DPYD: variants seen among roughly 807,000 people sequenced by gnomAD.
DPYD encodes dihydropyrimidine dehydrogenase.
Under a neutral mutation model 116.2 loss-of-function variants are expected in DPYD, and 109 were observed. The ratio of observed to expected loss-of-function variants is 0.94; its 90% confidence interval spans 0.80 to 1.10. The LOEUF is 1.10. Ranked by LOEUF, DPYD falls within the 50% of genes least tolerant of loss-of-function variation. DPYD has a pLI of 0.00. For missense variants in DPYD, 1,302 were observed against 1,254.5 expected, an observed-to-expected ratio of 1.04 and a Z score of -0.57; for synonymous variants, 440 against 432.0, an observed-to-expected ratio of 1.02 and a Z score of -0.23.
intron 11 of DPYD, among the ~76,000 whole-genome samples, chr1:97,556,322 T>A (rs1352752099): frequency 7.0e-6 from 1 of 142,400 alleles, no homozygotes; most frequent in Non-Finnish European, 1.5e-5. Flanking sequence ...TTTTTTCTAT[T>A]CCCTTTTTTT....
intron 13 of DPYD, among the ~76,000 whole-genome samples, chr1:97,469,416 A>G (rs1677513763): frequency 6.7e-6 from 1 of 148,908 alleles, no homozygotes; most frequent in African/African-American, 2.5e-5. Flanking sequence ...AAAAAAAAAA[A>G]AAAAAAAAAA....
chr1:97,751,456 GTGTGTATATATATATATATATATA>G (rs1283519697), intron 3 of DPYD, among the ~76,000 whole-genome samples: 3 of 24,414 alleles, frequency 1.2e-4, no homozygotes, highest in Admixed American at 6.4e-4. Context: ...GTGTGTGTGT[GTGTGTATATATATATATATATATA>G]TATATATATA....
rs147716682 is a variant in DPYD at position 97,807,601 on chromosome 1, C to A, written c.233+20513G>T. On this transcript the variant is annotated intron_variant, in intron 3 of 22. Coordinates refer to ENST00000370192, the MANE Select transcript of DPYD (RefSeq NM_000110.4). Reference sequence around the variant, plus strand: ...CAGTCTGTAGCTTATCTTTTCATTTCCTTGACAGTGTCTTTTGCAGAGCAG... The same window carrying A: ...CAGTCTGTAGCTTATCTTTTCATTTACTTGACAGTGTCTTTTGCAGAGCAG... Among the ~76,000 whole-genome samples, 45 of 151,994 alleles carry A rather than the reference C, an allele frequency of 3.0e-4. 1 individual carries two copies. The East Asian group carries it at 8.7e-3, about 29-fold the overall frequency.
At chr1:97,466,031 G>T (rs1453962141) in intron 13 of DPYD, among the ~76,000 whole-genome samples, 1 of 152,142 alleles carries the variant, frequency 6.6e-6, no homozygotes, top group East Asian at 1.9e-4. Flanking sequence ...AGCCTGGGAG[G>T]AAGAGGCCGC....
chr1:97,447,779 C>T (rs549256151), intron 14 of DPYD, among the ~76,000 whole-genome samples: 123 of 151,474 alleles, frequency 8.1e-4, no homozygotes, highest in African/African-American at 2.9e-3. Context: ...TTACTCCTAC[C>T]CAAAAAAGAG....
At chr1:97,873,161 C>T (rs1671742785) in intron 2 of DPYD, among the ~76,000 whole-genome samples, 1 of 151,800 alleles carries the variant, frequency 6.6e-6, no homozygotes, top group African/African-American at 2.4e-5. Flanking sequence ...GGGCAAAAAC[C>T]GTTTTGTCCC....
At chr1:97,147,464 A>C (rs188611689) in intron 20 of DPYD, among the ~76,000 whole-genome samples, 20 of 152,332 alleles carry the variant, frequency 1.3e-4, no homozygotes, top group Non-Finnish European at 1.6e-4. Context: ...TTGTTGGTCA[A>C]GAAGTATCAC....
At chr1:97,739,459 T>C (rs917908675) in intron 4 of DPYD, among the ~76,000 whole-genome samples, 1 of 152,138 alleles carries the variant, frequency 6.6e-6, no homozygotes, top group Non-Finnish European at 1.5e-5. Flanking sequence ...AATCTGACCA[T>C]GCAGGAATAA....
rs745911874 is a variant in DPYD, at chr1:97,549,646, C to T, written c.1438G>A (p.Gly480Ser). Residue 480 changes from glycine to serine, a missense_variant, in exon 12 of 23, where the codon GGT becomes AGT. By Grantham distance (56) the Gly-to-Ser change is moderately conservative. Coordinates refer to ENST00000370192, the MANE Select transcript of DPYD (RefSeq NM_000110.4). Reference sequence around the variant, plus strand: ...GTGTTAGCCAAACCAACGACATCACCACCTGCAAATACCCATGCTTCACTA... The same window carrying T: ...GTGTTAGCCAAACCAACGACATCACTACCTGCAAATACCCATGCTTCACTA... Reference protein sequence around the residue: ...QTSEAWVFAGGDVVGLANTTV... With the variant: ...QTSEAWVFAGSDVVGLANTTV... The T allele has an allele frequency of 1.7e-5, 27 of 1,613,714 alleles. No homozygotes were observed. Among genetic ancestry groups the T allele is most frequent in the Middle Eastern group, 1.6e-4 (1 of 6,076 alleles).
chr1:97,815,697 C>T (rs558084911), intron 3 of DPYD, among the ~76,000 whole-genome samples: 188 of 152,278 alleles, frequency 1.2e-3, no homozygotes, highest in African/African-American at 4.3e-3. Context: ...GGGTGAGGAG[C>T]AAAATGGAGT....
At chr1:97,752,484 T>G (rs926549675) in intron 3 of DPYD, among the ~76,000 whole-genome samples, 1 of 152,222 alleles carries the variant, frequency 6.6e-6, no homozygotes, top group African/African-American at 2.4e-5. Context: ...TTAAAATCCC[T>G]GTCTGATCAC....
At chr1:97,365,021 T>C (rs969944576) in intron 16 of DPYD, among the ~76,000 whole-genome samples, 1 of 152,148 alleles carries the variant, frequency 6.6e-6, no homozygotes, top group Non-Finnish European at 1.5e-5. Flanking sequence ...TTTAAGGTCT[T>C]TGTGAAGGTG....
rs530137282 is a variant in DPYD, at chr1:97,218,165, G to A, written c.2442+16687C>T. On this transcript the variant is annotated intron_variant, in intron 19 of 22. Transcript: ENST00000370192. ...AGAATCTTCAAGCTTAGGATGAACT[G>A]AGATTTTTGAAAAATGTTAAAACTA... Among the ~76,000 whole-genome samples the A allele has an allele frequency of 4.6e-5, 7 of 152,172 alleles. No individual in the cohort carries two copies. The East Asian group carries it at 1.2e-3, about 25-fold the overall frequency.
intron 3 of DPYD, among the ~76,000 whole-genome samples, chr1:97,756,551 T>A: frequency 6.6e-6 from 1 of 152,282 alleles, no homozygotes; most frequent in Middle Eastern, 3.4e-3. Flanking sequence ...AAAATAATAT[T>A]ACAGAAATTT....
At chr1:97,744,348 G>A (rs1181989198) in intron 3 of DPYD, among the ~76,000 whole-genome samples, 1 of 151,856 alleles carries the variant, frequency 6.6e-6, no homozygotes, top group African/African-American at 2.4e-5. Context: ...TTCTTTTATT[G>A]GTAACCATCC....
chr1:97,549,363 T>G (rs529056181), intron 12 of DPYD, among the ~76,000 whole-genome samples, 197 bp downstream of exon 12: 20 of 152,298 alleles, frequency 1.3e-4, no homozygotes, highest in African/African-American at 4.8e-4. Flanking sequence ...CATGCCCGCC[T>G]GGCCCAATTT....
chr1:97,556,124 T>TCATG (rs1470677093), intron 11 of DPYD, among the ~76,000 whole-genome samples: 1 of 152,072 alleles, frequency 6.6e-6, no homozygotes, highest in Non-Finnish European at 1.5e-5. Flanking sequence ...ACTCTCAGGG[T>TCATG]CATGCAAAGG....
Position 97,476,291 on chromosome 1 carries a change from A to T in DPYD, c.1741-26068T>A, listed in dbSNP as rs1474447271. ...GACTATCAATCAAAATCCAAAAATAACTGCTGCTGGGAAGAGTAAAATATA... is the reference window on the plus strand; with the variant it reads ...GACTATCAATCAAAATCCAAAAATATCTGCTGCTGGGAAGAGTAAAATATA... On this transcript the variant is annotated intron_variant, in intron 13 of 22. Transcript: ENST00000370192. Among the ~76,000 whole-genome samples, 3 of 152,246 alleles carry T rather than the reference A, an allele frequency of 2.0e-5. No homozygotes were observed. In the East Asian group the frequency reaches 5.8e-4, roughly 29 times the overall value.
chr1:97,202,404 G>T (rs1481958984), intron 19 of DPYD, among the ~76,000 whole-genome samples: 3 of 152,052 alleles, frequency 2.0e-5, no homozygotes, highest in African/African-American at 7.2e-5. Flanking sequence ...TAGCCTGAAA[G>T]TCTATTTTTC....
Sources: allele counts gnomAD v4.1 joint callset (sites outside exome capture counted in the v4.1 genomes callset), GRCh38; gene constraint gnomAD v4.1.1; transcripts MANE v1.5; gene names NCBI Gene and HGNC (gene_info 2026-07-23, HGNC 2026-07-21).